ZSWIM5: variants seen among roughly 807,000 people sequenced by gnomAD.
ZSWIM5 encodes the protein zinc finger SWIM domain-containing protein 5.
Under a neutral mutation model 119.6 loss-of-function variants are expected in ZSWIM5, and 55 were observed. The observed-to-expected ratio is 0.46, with a 90% CI of 0.37 to 0.58. The LOEUF is 0.58. Among genes scored for constraint, ZSWIM5 ranks in the 20% least tolerant of loss-of-function variants. ZSWIM5 has a pLI of 0.00. For synonymous variants in ZSWIM5, 537 were observed against 606.9 expected (o/e 0.88, Z 1.69); for missense variants, 1,193 against 1,512.8 (o/e 0.79, Z 3.51).
At chr1:45,182,272 C>T (rs1348176296) in intron 1 of ZSWIM5, among the ~76,000 whole-genome samples, 1 of 152,036 alleles carries the variant, frequency 6.6e-6, no homozygotes, top group Non-Finnish European at 1.5e-5. Flanking sequence ...GGCGCAGTGG[C>T]TGGCGCCTGT....
chr1:45,026,331 A>T (rs1053734255), intron 11 of ZSWIM5, among the ~76,000 whole-genome samples: 1 of 152,014 alleles, frequency 6.6e-6, no homozygotes, highest in African/African-American at 2.4e-5. Flanking sequence ...CACCACACCC[A>T]GCCGGTAATT....
chr1:45,137,936 G>A (rs1479243984), intron 1 of ZSWIM5, among the ~76,000 whole-genome samples: 1 of 152,128 alleles, frequency 6.6e-6, no homozygotes, highest in Non-Finnish European at 1.5e-5. Flanking sequence ...CCAGTTACAT[G>A]GCTACTGTAA....
chr1:45,196,625 C>T (rs2149055623), intron 1 of ZSWIM5, among the ~76,000 whole-genome samples: 2 of 149,828 alleles, frequency 1.3e-5, no homozygotes, highest in Middle Eastern at 7.0e-3. Flanking sequence ...CTCCTGACCT[C>T]GTGATCTGAC....
rs577043828 is a variant in ZSWIM5, at chr1:45,101,196, A to T, written c.596-12959T>A. On this transcript the variant is annotated intron_variant, in intron 1 of 13. Transcript: ENST00000359600. ...CTACAAAGAACTTAAACAAATTTAC[A>T]AGAAAAAAAACGACCCCATCAAAAA... Among the ~76,000 whole-genome samples the T allele has an allele frequency of 2.0e-5, 3 of 152,302 alleles. No homozygotes were observed. The South Asian group carries it at 6.2e-4, about 32-fold the overall frequency.
Position 45,182,466 on chromosome 1 carries a change from G to GAGTCAAGA in ZSWIM5, c.595+23282_595+23289dup, listed in dbSNP as rs1388448255. ...GACACAGACTGGCAAATTGGATAAA[G>GAGTCAAGA]AGTCAAGACCCATCAGTGTGCTGTA... On this transcript the variant is annotated intron_variant, in intron 1 of 13. Coordinates refer to ENST00000359600, the MANE Select transcript of ZSWIM5 (RefSeq NM_020883.2). Among the ~76,000 whole-genome samples the GAGTCAAGA allele has an allele frequency of 4.3e-3, 651 of 151,278 alleles. 8 individuals are homozygous for GAGTCAAGA. Among genetic ancestry groups the GAGTCAAGA allele is most frequent in the African/African-American group, 0.015 (612 of 40,920 alleles).
Position 45,020,545 on chromosome 1 carries a change from G to A in ZSWIM5, c.2613+80C>T, listed in dbSNP as rs993876298. The A allele has an allele frequency of 2.0e-6, 3 of 1,515,124 alleles. No homozygotes were observed. The African/African-American group carries it at 4.2e-5, about 21-fold the overall frequency. 93.9% of individuals were successfully genotyped at this position (1,515,124 alleles called of 1,614,324 possible). A position where few individuals can be genotyped will look rare whatever the true frequency, so the allele number is the denominator to read the frequency against. Reference sequence around the variant, plus strand: ...AAGAGCCAGACTTGGCCTATGCCCAGTCTCCCAGAGATCTTATCTTCTGCC... The same window carrying A: ...AAGAGCCAGACTTGGCCTATGCCCAATCTCCCAGAGATCTTATCTTCTGCC... On this transcript the variant is annotated intron_variant, in intron 12 of 13. Coordinates refer to ENST00000359600, the MANE Select transcript of ZSWIM5 (RefSeq NM_020883.2).
chr1:45,016,453 C>T lies in ZSWIM5; in HGVS notation c.*2001G>A, dbSNP rs1283979287. On this transcript the variant is annotated 3_prime_UTR_variant, in exon 14 of 14. Coordinates refer to ENST00000359600, the MANE Select transcript of ZSWIM5 (RefSeq NM_020883.2). ...TCCATGATTTATTCATAGAAAAGCA[C>T]TGTGAATTCACACACTTGCTAAAAA... The T allele has an allele frequency of 6.6e-6, 1 of 152,190 alleles. No homozygotes were observed. The highest frequency in any genetic ancestry group is 6.5e-5 in the Admixed American group (1 of 15,278). 9.4% of individuals were successfully genotyped at this position (152,190 alleles called of 1,614,324 possible). A position where few individuals can be genotyped will look rare whatever the true frequency, so the allele number is the denominator to read the frequency against.
intron 10 of ZSWIM5, 35 bp downstream of exon 10, chr1:45,035,653 G>A (rs138902614): frequency 5.0e-6 from 8 of 1,607,448 alleles, no homozygotes; most frequent in African/African-American, 4.0e-5. Flanking sequence ...CTTCTGCTTT[G>A]GTGGAGGCAA....
chr1:45,070,114 AG>A, intron 2 of ZSWIM5: 1 of 1,015,456 alleles, frequency 9.8e-7, no homozygotes. Context: ...GCATTCGATC[AG>A]TCCAGGATTA....
intron 1 of ZSWIM5, among the ~76,000 whole-genome samples, chr1:45,151,999 T>A (rs346720): frequency 0.063 from 9,528 of 152,256 alleles, 343 homozygotes; most frequent in East Asian, 0.11. Flanking sequence ...GTATGATCCC[T>A]GCCCTTTTAC....
intron 1 of ZSWIM5, among the ~76,000 whole-genome samples, chr1:45,130,192 C>T (rs1296035373): frequency 6.6e-6 from 1 of 152,180 alleles, no homozygotes; most frequent in Non-Finnish European, 1.5e-5. Flanking sequence ...GCCACCATGC[C>T]CAGCATCATA....
intron 1 of ZSWIM5, among the ~76,000 whole-genome samples, chr1:45,147,335 G>A (rs143148847): frequency 1.6e-3 from 244 of 152,074 alleles, no homozygotes; most frequent in Non-Finnish European, 2.7e-3. Flanking sequence ...AAACTTCTAC[G>A]TAGATACTAA....
intron 4 of ZSWIM5, among the ~76,000 whole-genome samples, chr1:45,054,738 C>T (rs915653755): frequency 1.3e-4 from 20 of 152,106 alleles, no homozygotes; most frequent in Non-Finnish European, 2.8e-4. Flanking sequence ...AGGTGTTAAG[C>T]ACTTTATCTC....
chr1:45,048,069 C>T (rs147012622), intron 5 of ZSWIM5, among the ~76,000 whole-genome samples: 101,666 of 118,658 alleles, frequency 0.86, 43,435 homozygotes, highest in South Asian at 0.92. Context: ...TTCTTTCTTT[C>T]CTTTTCTTTT....
chr1:45,198,264 C>T (rs61789775), intron 1 of ZSWIM5, among the ~76,000 whole-genome samples: 11,036 of 152,188 alleles, frequency 0.073, 495 homozygotes, highest in Non-Finnish European at 0.1. Context: ...GATCAAGATC[C>T]GGAGGCATTT....
intron 2 of ZSWIM5, among the ~76,000 whole-genome samples, chr1:45,067,336 G>T (rs914179087): frequency 6.6e-6 from 1 of 151,988 alleles, no homozygotes; most frequent in Non-Finnish European, 1.5e-5. Flanking sequence ...CTACTTGGGA[G>T]GCTGAGGTGG....
chr1:45,055,518 G>C (rs974597102), intron 4 of ZSWIM5, among the ~76,000 whole-genome samples: 8 of 152,224 alleles, frequency 5.3e-5, no homozygotes, highest in Non-Finnish European at 1.0e-4. Flanking sequence ...TAAGAGTTCT[G>C]TGATGTCTGT....
intron 7 of ZSWIM5, among the ~76,000 whole-genome samples, chr1:45,039,706 A>AT (rs772072243): frequency 6.7e-6 from 1 of 149,474 alleles, no homozygotes; most frequent in East Asian, 2.0e-4. Flanking sequence ...ATTTAATTTA[A>AT]TTAATTATTT....
intron 2 of ZSWIM5, among the ~76,000 whole-genome samples, chr1:45,087,239 A>G (rs927093984): frequency 4.6e-5 from 7 of 152,156 alleles, no homozygotes; most frequent in African/African-American, 1.4e-4. Flanking sequence ...ATCTGGTTTC[A>G]TTATAAAAAC....
Sources: allele counts gnomAD v4.1 joint callset (sites outside exome capture counted in the v4.1 genomes callset), GRCh38; gene constraint gnomAD v4.1.1; transcripts MANE v1.5; gene names NCBI Gene and HGNC (gene_info 2026-07-23, HGNC 2026-07-21).